ADAM7: variants seen among roughly 807,000 people sequenced by gnomAD.
The protein encoded by ADAM7 is disintegrin and metalloproteinase domain-containing protein 7.
Under a neutral mutation model 102.9 loss-of-function variants are expected in ADAM7, and 97 were observed. The observed-to-expected ratio is 0.94, with a 90% CI of 0.80 to 1.12. ADAM7 has a LOEUF of 1.12. Ranked by LOEUF, ADAM7 falls within the 50% of genes most tolerant of loss-of-function variation. The pLI, the probability that ADAM7 is intolerant of heterozygous loss-of-function variation, is 0.00. For synonymous variants in ADAM7, 334 were observed against 304.4 expected (o/e 1.10, Z -1.01); for missense variants, 991 against 908.7 (o/e 1.09, Z -1.16).
intron 17 of ADAM7, 58 bp downstream of exon 17, chr8:24,499,374 C>T (rs1820668629): frequency 1.5e-6 from 2 of 1,367,774 alleles, no homozygotes; most frequent in Non-Finnish European, 1.0e-6. Flanking sequence ...TACTTTATTC[C>T]CCAGCCTATA....
At chr8:24,494,336 G>A (rs1464404281) in intron 16 of ADAM7, among the ~76,000 whole-genome samples, 1 of 152,158 alleles carries the variant, frequency 6.6e-6, no homozygotes, top group African/African-American at 2.4e-5. Context: ...ATTAAGGTAT[G>A]TATGCTAACC....
intron 3 of ADAM7, among the ~76,000 whole-genome samples, chr8:24,452,953 T>A (rs1249362524): frequency 1.3e-5 from 2 of 150,438 alleles, no homozygotes; most frequent in Non-Finnish European, 1.5e-5. Context: ...GAAAATTCTT[T>A]TCTTTAAGAA....
intron 9 of ADAM7, among the ~76,000 whole-genome samples, chr8:24,482,979 C>A (rs991051585): frequency 6.6e-6 from 1 of 152,186 alleles, no homozygotes; most frequent in South Asian, 2.1e-4. Flanking sequence ...CCAAAATCTG[C>A]CTTTCTGGGA....
intron 16 of ADAM7, among the ~76,000 whole-genome samples, chr8:24,495,738 G>C (rs538943504): frequency 1.3e-5 from 2 of 152,246 alleles, no homozygotes; most frequent in South Asian, 4.1e-4. Flanking sequence ...GATGATTTAG[G>C]GTATCTGGTG....
intron 20 of ADAM7, among the ~76,000 whole-genome samples, chr8:24,506,791 A>ACACACAC (rs1820966578): frequency 6.7e-6 from 1 of 149,744 alleles, no homozygotes; most frequent in African/African-American, 2.5e-5. Flanking sequence ...ACACACACAC[A>ACACACAC]AAATAGAACC....
chr8:24,467,862 G>A (rs570957050), intron 6 of ADAM7, among the ~76,000 whole-genome samples: 7 of 152,096 alleles, frequency 4.6e-5, no homozygotes, highest in African/African-American at 1.7e-4. Context: ...GTCAGAATTC[G>A]AGACCAGCCT....
chr8:24,463,882 G>T lies in ADAM7; in HGVS notation c.234G>T (p.Arg78Ser). Reference protein sequence around the residue: ...KTLVLHLLRSREFLGSNYSET... With the variant: ...KTLVLHLLRSSEFLGSNYSET... ...ACCACCTGTCTGCCCTCTTTTTCAG[G>T]GAGTTCCTAGGCTCAAATTACAGTG... Residue 78 changes from arginine (R) to serine (S), a missense_variant and splice_region_variant, in exon 4 of 22, where the codon AGG becomes AGT. Coordinates refer to ENST00000175238, the MANE Select transcript of ADAM7 (RefSeq NM_003817.4). 6.2e-7 allele frequency: 1 copy of T among 1,612,748 alleles called. No homozygotes were observed. Among genetic ancestry groups the T allele is most frequent in the South Asian group, 1.1e-5 (1 of 90,996 alleles).
At position 24,509,001 on chromosome 8, in the gene ADAM7, A is replaced by C. The variant is rs756745269; in HGVS notation, c.*455A>C. 2.9e-5 allele frequency: 29 copies of C among 992,924 alleles called. No homozygotes were observed. Among genetic ancestry groups the C allele is most frequent in the Non-Finnish European group, 3.4e-5 (28 of 835,006 alleles). 61.5% of individuals were successfully genotyped at this position (992,924 alleles called of 1,614,324 possible). ...TTAGCACTAATTCTGGTTTAAATGA[A>C]AGTCCTGCAGAAATGCCAAAGAAGG... On this transcript the variant is annotated 3_prime_UTR_variant, in exon 22 of 22. Transcript: ENST00000175238.
rs762338867 is a variant in ADAM7, at chr8:24,466,789, A to G, written c.390-10A>G. On this transcript the variant is annotated splice_polypyrimidine_tract_variant and intron_variant, in intron 5 of 21. Coordinates refer to ENST00000175238, the MANE Select transcript of ADAM7 (RefSeq NM_003817.4). ...GCCTTGAATACAAATTGTGTTCCCA[A>G]TTTCTACAGGGGATTCTTCAGAATA... 12 of 1,607,054 alleles carry G rather than the reference A, an allele frequency of 7.5e-6. No individual in the cohort carries two copies. The African/African-American group carries it at 1.2e-4, about 16-fold the overall frequency.
chr8:24,462,849 CT>C (rs1374077340), intron 3 of ADAM7, among the ~76,000 whole-genome samples: 2 of 151,996 alleles, frequency 1.3e-5, no homozygotes, highest in East Asian at 1.9e-4. Context: ...CACAGGTAAC[CT>C]TTGAAGACTG....
At chr8:24,478,241 C>T (rs1423229851) in intron 8 of ADAM7, among the ~76,000 whole-genome samples, 2 of 152,106 alleles carry the variant, frequency 1.3e-5, no homozygotes, top group Admixed American at 6.6e-5. Context: ...CAAATTCTTG[C>T]TGGCAGTCTG....
In ADAM7 at chr8:24,487,237, G is replaced by A. The variant is rs1263416167; in HGVS notation, c.1011G>A (p.Leu337=). The A allele has an allele frequency of 1.2e-6, 2 of 1,613,714 alleles. No individual in the cohort carries two copies. The highest frequency in any genetic ancestry group is 1.1e-5 in the South Asian group (1 of 91,084). The change falls in exon 11 of 22, where the codon CTG becomes CTA. Residue 337 remains leucine (L), a synonymous_variant. Coordinates refer to ENST00000175238, the MANE Select transcript of ADAM7 (RefSeq NM_003817.4). Reference sequence around the variant, plus strand: ...TTGCAAACAGAATGGCACATCAACTGGGGCATAACCTTGGGATGCAGCATG... The same window carrying A: ...TTGCAAACAGAATGGCACATCAACTAGGGCATAACCTTGGGATGCAGCATG... The part of the protein sequence containing the change: ...NIIANRMAHQ[L]GHNLGMQHDE...
At chr8:24,495,060 A>G (rs1283760241) in intron 16 of ADAM7, among the ~76,000 whole-genome samples, 5 of 152,136 alleles carry the variant, frequency 3.3e-5, no homozygotes, top group Non-Finnish European at 7.4e-5. Context: ...AATTCTTCCA[A>G]CCCCAGTGTC....
chr8:24,508,365 T>C (rs981329582), intron 21 of ADAM7, among the ~76,000 whole-genome samples, 181 bp from the exon 22 acceptor site: 3 of 152,240 alleles, frequency 2.0e-5, no homozygotes, highest in Admixed American at 6.5e-5. Flanking sequence ...ATAATAGGCC[T>C]ATTTATTTTA....
In ADAM7 at chr8:24,500,215, G is replaced by C; in HGVS notation, c.1961G>C (p.Gly654Ala). 2 of 1,612,288 alleles carry C rather than the reference G, an allele frequency of 1.2e-6. No homozygotes were observed. Among genetic ancestry groups the C allele is most frequent in the Non-Finnish European group, 1.7e-6 (2 of 1,178,748 alleles). Residue 654 changes from glycine to alanine, a missense_variant, in exon 18 of 22, where the codon GGA becomes GCA. Coordinates refer to ENST00000175238, the MANE Select transcript of ADAM7 (RefSeq NM_003817.4). ...GHGLQCHCEEGQAPVACEETL... is the reference protein window; with the variant it reads ...GHGLQCHCEEAQAPVACEETL... ...GGACTCCAGTGCCACTGTGAGGAAG[G>C]ACAGGCACCTGTAGCCTGTGAAGAA... is the stretch of plus-strand genomic sequence containing the variant.
chr8:24,496,369 G>T (rs992007008), intron 16 of ADAM7, among the ~76,000 whole-genome samples: 2 of 151,920 alleles, frequency 1.3e-5, no homozygotes, highest in Admixed American at 6.6e-5. Context: ...ATGTAGGGTC[G>T]GATCCCCCAC....
At chr8:24,499,401 T>G (rs931436029) in intron 17 of ADAM7, 85 bp downstream of exon 17, 4 of 926,700 alleles carry the variant, frequency 4.3e-6, no homozygotes, top group Non-Finnish European at 3.1e-6. Context: ...TGTATATGTA[T>G]GTATATATGT....
At chr8:24,451,145 C>T (rs536810056) in intron 3 of ADAM7, among the ~76,000 whole-genome samples, 1 of 151,958 alleles carries the variant, frequency 6.6e-6, no homozygotes, top group South Asian at 2.1e-4. Flanking sequence ...GCTTTGGTAT[C>T]AGAATGATGC....
chr8:24,453,231 T>A (rs1305144152), intron 3 of ADAM7, among the ~76,000 whole-genome samples: 1 of 152,178 alleles, frequency 6.6e-6, no homozygotes, highest in Non-Finnish European at 1.5e-5. Context: ...TCCTGGATAA[T>A]ATCTTGCAGA....
Sources: gnomAD v4.1 joint callset for allele counts (sites outside exome capture counted in the v4.1 genomes callset) on GRCh38, gnomAD v4.1.1 for gene constraint, MANE v1.5 for transcripts, NCBI Gene and HGNC (gene_info 2026-07-23, HGNC 2026-07-21) for gene names.